The following PIBF1 variants were observed in gnomAD, a reference collection of about 807,000 sequenced individuals.
PIBF1 encodes progesterone-induced-blocking factor 1.
A neutral mutation model predicts 112.5 loss-of-function variants in PIBF1; 90 were observed. That is an observed-to-expected ratio of 0.80 (90% CI 0.67 to 0.95). PIBF1 has a LOEUF of 0.95. Ranked by LOEUF, PIBF1 falls within the 40% of genes least tolerant of loss-of-function variation. The pLI is 0.00. For synonymous variants in PIBF1, 301 were observed against 288.6 expected, an observed-to-expected ratio of 1.04 and a Z score of -0.44; for missense variants, 915 against 852.3, an observed-to-expected ratio of 1.07 and a Z score of -0.92.
Position 72,869,554 on chromosome 13 carries a change from C to T in PIBF1, c.1322+15399C>T, listed in dbSNP as rs148496226. On this transcript the variant is annotated intron_variant, in intron 10 of 17. Transcript: ENST00000326291. ...ATGGGTGCAGCACACCAGCATGGCA[C>T]ATATATACATGTGTAACTAACCTGC... Among the ~76,000 whole-genome samples, 1,048 of 151,492 alleles carry T rather than the reference C, an allele frequency of 6.9e-3. 14 individuals carry two copies. Among genetic ancestry groups the T allele is most frequent in the African/African-American group, 0.024 (1,010 of 41,226 alleles).
At chr13:72,785,919 A>G (rs2034574539) in intron 2 of PIBF1, among the ~76,000 whole-genome samples, 1 of 152,162 alleles carries the variant, frequency 6.6e-6, no homozygotes, top group Non-Finnish European at 1.5e-5. Context: ...GCTTTATATT[A>G]TAGAAATGTT....
intron 17 of PIBF1, among the ~76,000 whole-genome samples, chr13:73,011,591 T>C (rs1307894409): frequency 6.6e-6 from 1 of 152,058 alleles, no homozygotes; most frequent in Non-Finnish European, 1.5e-5. Context: ...CACCTAGCCA[T>C]CATGGCCCAC....
chr13:72,992,603 G>C (rs1566527394), intron 16 of PIBF1, among the ~76,000 whole-genome samples: 2 of 152,106 alleles, frequency 1.3e-5, no homozygotes, highest in East Asian at 3.9e-4. Context: ...AGACCAGCCT[G>C]CGCAACATGG....
chr13:72,807,194 A>G (rs1433488382), intron 5 of PIBF1, among the ~76,000 whole-genome samples: 2 of 151,614 alleles, frequency 1.3e-5, no homozygotes, highest in South Asian at 2.1e-4. Context: ...AAAAAAAGGA[A>G]TAAAAAGAAC....
At chr13:72,875,458 G>A (rs561911320) in intron 10 of PIBF1, among the ~76,000 whole-genome samples, 1 of 152,046 alleles carries the variant, frequency 6.6e-6, no homozygotes, top group African/African-American at 2.4e-5. Context: ...AGTTTTGTAA[G>A]AAACCACGAA....
chr13:72,856,549 C>G (rs2038431419), intron 10 of PIBF1, among the ~76,000 whole-genome samples: 1 of 152,068 alleles, frequency 6.6e-6, no homozygotes, highest in African/African-American at 2.4e-5. Flanking sequence ...ATGCTCAGGA[C>G]TGTAAAGGAC....
At chr13:72,894,110 A>G (rs1223913734) in intron 11 of PIBF1, among the ~76,000 whole-genome samples, 161 bp downstream of exon 11, 1 of 151,284 alleles carries the variant, frequency 6.6e-6, no homozygotes, top group East Asian at 1.9e-4. Flanking sequence ...AAAGATGTAT[A>G]CTGAAAAGGA....
Position 72,792,565 on chromosome 13 carries a change from TA to T in PIBF1, c.353+28del, listed in dbSNP as rs553068546. ...GATGCCAGGTAAGAAAAGTTTTTTTTAAAAAAAAAACAACATCTATTTAGCA... is the reference window on the plus strand; with the variant it reads ...GATGCCAGGTAAGAAAAGTTTTTTTTAAAAAAAAACAACATCTATTTAGCA... On this transcript the variant is annotated intron_variant, in intron 3 of 17. Transcript: ENST00000326291. 3.9e-4 allele frequency: 464 copies of T among 1,177,910 alleles called. No individual in the cohort carries two copies. The highest frequency in any genetic ancestry group is 5.7e-4 in the South Asian group (38 of 66,214). 73.0% of individuals were successfully genotyped at this position (1,177,910 alleles called of 1,614,324 possible).
intron 14 of PIBF1, among the ~76,000 whole-genome samples, chr13:72,962,586 G>C (rs2042635135): frequency 6.8e-6 from 1 of 146,160 alleles, no homozygotes; most frequent in Non-Finnish European, 1.5e-5. Context: ...GACAGAGTGA[G>C]TCCCTGTCTC....
intron 9 of PIBF1, among the ~76,000 whole-genome samples, chr13:72,850,056 A>G (rs1389655518): frequency 6.6e-6 from 1 of 152,228 alleles, no homozygotes; most frequent in African/African-American, 2.4e-5. Flanking sequence ...GTGAATTGGT[A>G]ATATTAAATA....
intron 10 of PIBF1, among the ~76,000 whole-genome samples, chr13:72,863,799 A>G (rs1311953773): frequency 6.6e-6 from 1 of 152,210 alleles, no homozygotes; most frequent in Non-Finnish European, 1.5e-5. Flanking sequence ...CTGTAATGAC[A>G]CTATGTACAC....
At chr13:72,840,350 A>G (rs554357522) in intron 9 of PIBF1, among the ~76,000 whole-genome samples, 33 of 152,270 alleles carry the variant, frequency 2.2e-4, no homozygotes, top group Non-Finnish European at 3.2e-4. Flanking sequence ...AAGTTTACAC[A>G]TTTAAGGTTG....
At chr13:72,876,902 T>C (rs1286873227) in intron 10 of PIBF1, among the ~76,000 whole-genome samples, 3 of 152,172 alleles carry the variant, frequency 2.0e-5, no homozygotes, top group Non-Finnish European at 2.9e-5. Flanking sequence ...ATCTATATAC[T>C]TTTTCTTTTC....
intron 10 of PIBF1, among the ~76,000 whole-genome samples, chr13:72,862,020 CAGTT>C (rs559491304): frequency 9.9e-5 from 15 of 152,012 alleles, no homozygotes; most frequent in African/African-American, 2.7e-4. Flanking sequence ...GTGATGAAAA[CAGTT>C]AGAGAAAAAG....
At chr13:72,968,338 T>C (rs958025185) in intron 15 of PIBF1, among the ~76,000 whole-genome samples, 1 of 151,746 alleles carries the variant, frequency 6.6e-6, no homozygotes, top group South Asian at 2.1e-4. Context: ...TTCACTCTTG[T>C]CACCCAGACT....
intron 10 of PIBF1, among the ~76,000 whole-genome samples, chr13:72,856,325 AATTTT>A (rs1398480552): frequency 2.0e-5 from 3 of 152,302 alleles, no homozygotes; most frequent in African/African-American, 7.2e-5. Flanking sequence ...TTTTCACTAA[AATTTT>A]AGATAAACTG....
intron 15 of PIBF1, among the ~76,000 whole-genome samples, chr13:72,972,663 CAA>C (rs35656003): frequency 7.4e-6 from 1 of 135,220 alleles, no homozygotes; most frequent in African/African-American, 2.9e-5. Context: ...GACTCCGTCT[CAA>C]AAAAAAAAAA....
intron 5 of PIBF1, among the ~76,000 whole-genome samples, chr13:72,815,541 TATTAA>T (rs1420464437): frequency 2.6e-5 from 4 of 152,228 alleles, no homozygotes; most frequent in Non-Finnish European, 4.4e-5. Flanking sequence ...ATGATTAACA[TATTAA>T]TCAAATGTAG....
chr13:72,938,579 T>G (rs965503679), intron 14 of PIBF1, among the ~76,000 whole-genome samples: 3 of 152,222 alleles, frequency 2.0e-5, no homozygotes, highest in African/African-American at 7.2e-5. Flanking sequence ...GCAGATTAAC[T>G]ACATTTTGTT....
Sources: allele counts gnomAD v4.1 joint callset (sites outside exome capture counted in the v4.1 genomes callset), GRCh38; gene constraint gnomAD v4.1.1; transcripts MANE v1.5; gene names NCBI Gene and HGNC (gene_info 2026-07-23, HGNC 2026-07-21).